DDX6: variants seen among roughly 807,000 people sequenced by gnomAD.
DDX6 encodes probable ATP-dependent RNA helicase DDX6.
In DDX6, 7 loss-of-function variants were observed where a neutral mutation model predicts 60.6. The observed-to-expected ratio is 0.12, with a 90% CI of 0.07 to 0.22. The LOEUF is 0.22. Ranked by LOEUF, DDX6 falls within the 10% of genes least tolerant of loss-of-function variation. DDX6 has a pLI of 1.00. For synonymous variants in DDX6, 207 were observed against 201.0 expected, an observed-to-expected ratio of 1.03 and a Z score of -0.25; for missense variants, 270 against 589.9, an observed-to-expected ratio of 0.46 and a Z score of 5.62.
intron 2 of DDX6, among the ~76,000 whole-genome samples, chr11:118,782,953 T>C (rs1356838012): frequency 6.6e-6 from 1 of 152,200 alleles, no homozygotes. Context: ...CATCTAAGCC[T>C]GTATCATCGA....
chr11:118,768,347 C>T lies in DDX6; in HGVS notation c.375G>A (p.Glu125=), dbSNP rs782531309. 2.5e-5 allele frequency: 40 copies of T among 1,611,932 alleles called. No individual in the cohort carries two copies. Among genetic ancestry groups the T allele is most frequent in the Non-Finnish European group, 3.3e-5 (39 of 1,179,806 alleles). ...GWEKPSPIQE[E]SIPIALSGRD... ...TACCAGATAAAGCAATGGGAATGCT[C>T]TCCTCCTAAAAGAGATAAGACAATA... The change falls in exon 5 of 14, where the codon GAG becomes GAA. Residue 125 remains glutamate (E), a synonymous_variant. Transcript: ENST00000534980.
intron 7 of DDX6, among the ~76,000 whole-genome samples, chr11:118,760,691 C>T (rs1861134236): frequency 6.6e-6 from 1 of 151,704 alleles, no homozygotes. Context: ...CGTGGTGGTA[C>T]GCACCTATAA....
chr11:118,763,131 G>A, intron 7 of DDX6, 81 bp downstream of exon 7: 2 of 883,398 alleles, frequency 2.3e-6, no homozygotes, highest in South Asian at 1.8e-5. Context: ...AACACAAGCA[G>A]CTTTTGCTTC....
chr11:118,749,503 G>A lies in DDX6; in HGVS notation c.*2602C>T, dbSNP rs1555156678. The A allele has an allele frequency of 6.6e-6, 1 of 152,040 alleles. No homozygotes were observed. The highest frequency in any genetic ancestry group is 6.6e-5 in the Admixed American group (1 of 15,240). The allele number at this position is 152,040 out of a possible 1,614,324, so 9.4% of individuals were successfully genotyped here. ...GTGTCCAGTAGTGGTGTCCCAGATA[G>A]TTTAAGTGCCACTCCTCATTAGAGG... is the stretch of plus-strand genomic sequence containing the variant. On this transcript the variant is annotated 3_prime_UTR_variant, in exon 14 of 14. Coordinates refer to ENST00000534980, the MANE Select transcript of DDX6 (RefSeq NM_004397.6).
chr11:118,762,492 T>G lies in DDX6; in HGVS notation c.741+720A>C, dbSNP rs140044691. Reference sequence around the variant, plus strand: ...TAAACATGCTCCACTTACCTTAGCTTACAGTTGGGCAAAATCACCTGCAAC... The same window carrying G: ...TAAACATGCTCCACTTACCTTAGCTGACAGTTGGGCAAAATCACCTGCAAC... On this transcript the variant is annotated intron_variant, in intron 7 of 13. Transcript: ENST00000534980. 5.0e-5 allele frequency among the ~76,000 whole-genome samples: 3 copies of G among 59,750 alleles called. No individual in the cohort carries two copies. The East Asian group carries it at 1.4e-3, about 28-fold the overall frequency. The allele number at this position is 59,750 out of a possible 152,430, so 39.2% of individuals were successfully genotyped here.
At chr11:118,765,931 G>A (rs1380741748) in intron 5 of DDX6, among the ~76,000 whole-genome samples, 1 of 152,012 alleles carries the variant, frequency 6.6e-6, no homozygotes, top group African/African-American at 2.4e-5. Context: ...TTAGCTGGGC[G>A]TGGGTGGCAC....
intron 8 of DDX6, 113 bp downstream of exon 8, chr11:118,759,809 G>T: frequency 1.7e-6 from 2 of 1,202,810 alleles, no homozygotes; most frequent in Non-Finnish European, 1.1e-6. Flanking sequence ...AGAGCCAAAG[G>T]CTTGAAATAA....
At position 118,752,083 on chromosome 11, in the gene DDX6, G is replaced by A; in HGVS notation, c.*22C>T. On this transcript the variant is annotated 3_prime_UTR_variant, in exon 14 of 14. Coordinates refer to ENST00000534980, the MANE Select transcript of DDX6 (RefSeq NM_004397.6). Reference sequence around the variant, plus strand: ...TGTCACAGATCCAAACGAGCCTTTTGTAATTTGTCAAAGCCTACAGAAGAA... The same window carrying A: ...TGTCACAGATCCAAACGAGCCTTTTATAATTTGTCAAAGCCTACAGAAGAA... 4.4e-6 allele frequency: 1 copy of A among 228,346 alleles called. No individual in the cohort carries two copies. Among genetic ancestry groups the A allele is most frequent in the South Asian group, 4.7e-5 (1 of 21,066 alleles). The allele number at this position is 228,346 out of a possible 1,614,324, so 14.1% of individuals were successfully genotyped here.
At chr11:118,781,536 T>C (rs1464453250) in intron 2 of DDX6, among the ~76,000 whole-genome samples, 1 of 152,218 alleles carries the variant, frequency 6.6e-6, no homozygotes. Flanking sequence ...TTATATATCT[T>C]ATATAACTCC....
At chr11:118,752,498 T>C (rs782362668) in intron 13 of DDX6, among the ~76,000 whole-genome samples, 2 of 152,058 alleles carry the variant, frequency 1.3e-5, no homozygotes, top group Admixed American at 6.6e-5. Context: ...ATTGGTTGGG[T>C]GAGGTGGCTC....
intron 13 of DDX6, among the ~76,000 whole-genome samples, chr11:118,752,307 TAGCAGGC>T (rs1466562463): frequency 6.6e-6 from 1 of 152,184 alleles, no homozygotes; most frequent in Non-Finnish European, 1.5e-5. Context: ...AATGTTCTGA[TAGCAGGC>T]AGCCCTCACT....
At chr11:118,786,023 G>C in intron 2 of DDX6, 29 bp downstream of exon 2, 1 of 1,594,868 alleles carries the variant, frequency 6.3e-7, no homozygotes, top group Non-Finnish European at 8.6e-7. Flanking sequence ...CCCCACAAGT[G>C]TTTATTAATA....
chr11:118,787,657 G>C (rs1212789393), intron 1 of DDX6: 1 of 152,054 alleles, frequency 6.6e-6, no homozygotes, highest in South Asian at 2.1e-4. Context: ...AAAACTTTAA[G>C]AAGAAAAATG....
In DDX6 at chr11:118,768,987, C is replaced by CAAAAAAAAAAAAAAAAA. The variant is rs782136763; in HGVS notation, c.370-652_370-636dup. ...GCATGAAAGAGACCTCGTCTCATCTCAAAAAAAAAAAAAAAAAAAAAAGGC... is the reference window on the plus strand; with the variant it reads ...GCATGAAAGAGACCTCGTCTCATCTCAAAAAAAAAAAAAAAAAAAAAAAAAAAAAAAAAAAAAAAGGC... On this transcript the variant is annotated intron_variant, in intron 4 of 13. Transcript: ENST00000534980. Among the ~76,000 whole-genome samples, 8 of 39,984 alleles carry CAAAAAAAAAAAAAAAAA rather than the reference C, an allele frequency of 2.0e-4. 1 individual carries two copies. The highest frequency in any genetic ancestry group is 9.7e-4 in the Admixed American group (2 of 2,070). The allele number at this position is 39,984 out of a possible 152,430, so 26.2% of individuals were successfully genotyped here.
intron 4 of DDX6, among the ~76,000 whole-genome samples, chr11:118,771,384 C>A (rs1861529807): frequency 6.6e-6 from 1 of 152,158 alleles, no homozygotes; most frequent in Non-Finnish European, 1.5e-5. Context: ...TTATACCCTA[C>A]AAAAACTGTT....
rs1860749772 is a variant in DDX6 at position 118,751,077 on chromosome 11, ATATAT to A, written c.*1023_*1027del. ...AAAATATATATATATGTATATATAT[ATATAT>A]ATATGAACCCAGAAAAAAAACTTAT... On this transcript the variant is annotated 3_prime_UTR_variant, in exon 14 of 14. Transcript: ENST00000534980. The A allele has an allele frequency of 7.2e-6, 1 of 137,990 alleles. No individual in the cohort carries two copies. Among genetic ancestry groups the A allele is most frequent in the South Asian group, 2.4e-4 (1 of 4,208 alleles). 8.5% of individuals were successfully genotyped at this position (137,990 alleles called of 1,614,324 possible).
At chr11:118,767,734 G>C (rs1400333812) in intron 5 of DDX6, 3 of 142,468 alleles carry the variant, frequency 2.1e-5, no homozygotes, top group African/African-American at 7.9e-5. Flanking sequence ...CTGGGTTCCA[G>C]TGACTCTCGT....
chr11:118,775,468 A>T (rs1861668084), intron 4 of DDX6, among the ~76,000 whole-genome samples: 1 of 152,156 alleles, frequency 6.6e-6, no homozygotes, highest in Non-Finnish European at 1.5e-5. Context: ...ACTCTGATTG[A>T]TTCTAAGAAA....
intron 2 of DDX6, among the ~76,000 whole-genome samples, chr11:118,783,441 A>G (rs1260268447): frequency 2.0e-5 from 3 of 152,122 alleles, no homozygotes; most frequent in African/African-American, 7.2e-5. Context: ...TTCCCACCTC[A>G]GCCTCCCAAA....
Sources: gnomAD v4.1 joint callset for allele counts (sites outside exome capture counted in the v4.1 genomes callset) on GRCh38, gnomAD v4.1.1 for gene constraint, MANE v1.5 for transcripts, NCBI Gene and HGNC (gene_info 2026-07-23, HGNC 2026-07-21) for gene names.